Variants in DRC11 observed in about 807,000 individuals in gnomAD.
DRC11 encodes dynein regulatory complex subunit 11, also known as IQ and AAA domain-containing protein 1.
chr2:236,345,027 A>C, the DRC11 span, among the ~76,000 whole-genome samples: 26 of 113,992 alleles, frequency 2.3e-4, no homozygotes, highest in Admixed American at 3.4e-4. Flanking sequence ...CTGGTTGTAA[A>C]TGTGCTTCCC....
chr2:236,463,874 C>T, the DRC11 span, among the ~76,000 whole-genome samples: 1 of 152,224 alleles, frequency 6.6e-6, no homozygotes, highest in Non-Finnish European at 1.5e-5. The surrounding 1 kb of genome is among the most constrained non-coding windows in gnomAD (Gnocchi z 5.0). Flanking sequence ...ACTGTGGTCT[C>T]ATCTGATGGC....
the DRC11 span, among the ~76,000 whole-genome samples, chr2:236,493,590 A>G: frequency 6.6e-6 from 1 of 152,210 alleles, no homozygotes. Flanking sequence ...AATAATGATT[A>G]TATATCACCA....
the DRC11 span, among the ~76,000 whole-genome samples, chr2:236,440,453 C>T: frequency 6.6e-6 from 1 of 152,068 alleles, no homozygotes; most frequent in Non-Finnish European, 1.5e-5. Context: ...TACTGTGAAG[C>T]TAAGAAGAGT....
At chr2:236,441,261 A>G in the DRC11 span, 1 of 645,574 alleles carries the variant, frequency 1.5e-6, no homozygotes, top group Non-Finnish European at 2.8e-6. Context: ...AGGGCTGGGC[A>G]TGGTGTCTTG....
At chr2:236,402,114 A>G in the DRC11 span, among the ~76,000 whole-genome samples, 1 of 152,152 alleles carries the variant, frequency 6.6e-6, no homozygotes, top group Non-Finnish European at 1.5e-5. This position sits in a 1 kb window ranked among gnomAD's most constrained non-coding sequence, Gnocchi z 6.0. Flanking sequence ...AATCCTCCCC[A>G]GCTCAGGGCT....
the DRC11 span, among the ~76,000 whole-genome samples, chr2:236,362,911 C>T: frequency 1.3e-5 from 2 of 152,134 alleles, no homozygotes; most frequent in Non-Finnish European, 2.9e-5. The surrounding 1 kb of genome is among the most constrained non-coding windows in gnomAD (Gnocchi z 5.7). Context: ...CTGTCGCTCC[C>T]TAGTTTTTTG....
At chr2:236,495,807 C>T in the DRC11 span, among the ~76,000 whole-genome samples, 1 of 152,172 alleles carries the variant, frequency 6.6e-6, no homozygotes, top group African/African-American at 2.4e-5. This position sits in a 1 kb window ranked among gnomAD's most constrained non-coding sequence, Gnocchi z 5.6. Flanking sequence ...ACACTGTTGA[C>T]CGCCCTCTGC....
At chr2:236,371,382 G>A in the DRC11 span, among the ~76,000 whole-genome samples, 5 of 152,148 alleles carry the variant, frequency 3.3e-5, no homozygotes, top group South Asian at 2.1e-4. This position sits in a 1 kb window ranked among gnomAD's most constrained non-coding sequence, Gnocchi z 5.1. Context: ...TCCTCATCTC[G>A]TTAATGCTCT....
the DRC11 span, among the ~76,000 whole-genome samples, chr2:236,357,046 T>TC: frequency 5.7e-4 from 54 of 95,226 alleles, 1 homozygote; most frequent in Non-Finnish European, 7.6e-4. Flanking sequence ...TATTCATATA[T>TC]TATATATCTA....
At chr2:236,490,889 CAAG>C in the DRC11 span, among the ~76,000 whole-genome samples, 10 of 147,532 alleles carry the variant, frequency 6.8e-5, no homozygotes, top group East Asian at 4.0e-4. This position sits in a 1 kb window ranked among gnomAD's most constrained non-coding sequence, Gnocchi z 5.5. Flanking sequence ...GTACGTATCC[CAAG>C]AAGAATATAT....
At chr2:236,459,165 A>G in the DRC11 span, among the ~76,000 whole-genome samples, 2 of 152,202 alleles carry the variant, frequency 1.3e-5, no homozygotes, top group East Asian at 3.8e-4. Flanking sequence ...AAAGAAAAAA[A>G]CACCCAAAAG....
the DRC11 span, among the ~76,000 whole-genome samples, chr2:236,495,937 C>T: frequency 6.6e-6 from 1 of 152,162 alleles, no homozygotes; most frequent in African/African-American, 2.4e-5. This position sits in a 1 kb window ranked among gnomAD's most constrained non-coding sequence, Gnocchi z 5.6. Flanking sequence ...GCAGAGGGGC[C>T]TGGCTGATGC....
At chr2:236,401,886 C>T in the DRC11 span, among the ~76,000 whole-genome samples, 6 of 152,190 alleles carry the variant, frequency 3.9e-5, no homozygotes, top group African/African-American at 1.4e-4. The surrounding 1 kb of genome is among the most constrained non-coding windows in gnomAD (Gnocchi z 4.6). Flanking sequence ...CTGAGAATCC[C>T]TGACCAGCAG....
At chr2:236,308,754 T>C in the DRC11 span, among the ~76,000 whole-genome samples, 2 of 152,206 alleles carry the variant, frequency 1.3e-5, no homozygotes, top group Non-Finnish European at 2.9e-5. This position sits in a 1 kb window ranked among gnomAD's most constrained non-coding sequence, Gnocchi z 6.0. Context: ...CATCCCTCCA[T>C]AGATGGACGC....
At chr2:236,324,507 T>A in the DRC11 span, 1 of 526,644 alleles carries the variant, frequency 1.9e-6, no homozygotes, top group South Asian at 2.2e-5. This position sits in a 1 kb window ranked among gnomAD's most constrained non-coding sequence, Gnocchi z 5.7. Context: ...ATGCAGTGGT[T>A]AGCGGGTTTG....
the DRC11 span, among the ~76,000 whole-genome samples, chr2:236,357,387 A>C: frequency 1.4e-4 from 15 of 107,338 alleles, no homozygotes; most frequent in East Asian, 1.2e-3. Flanking sequence ...TATAGTATAG[A>C]TATTATATAG....
At chr2:236,389,243 G>A in the DRC11 span, among the ~76,000 whole-genome samples, 257 of 152,264 alleles carry the variant, frequency 1.7e-3, no homozygotes, top group African/African-American at 6.1e-3. Context: ...GGGCAATGGC[G>A]GGCGCCCCTC....
chr2:236,347,718 G>A, the DRC11 span, among the ~76,000 whole-genome samples: 2 of 151,732 alleles, frequency 1.3e-5, no homozygotes, highest in African/African-American at 2.4e-5. Flanking sequence ...AGAGTGGGAG[G>A]GGGGTGAGGG....
the DRC11 span, among the ~76,000 whole-genome samples, chr2:236,435,544 G>A: frequency 6.6e-6 from 1 of 152,276 alleles, no homozygotes; most frequent in African/African-American, 2.4e-5. Context: ...GGGAGGCATC[G>A]GGAAACTTAC....
Sources: gnomAD v4.1 joint callset for allele counts (sites outside exome capture counted in the v4.1 genomes callset) on GRCh38, gnomAD v4.1.1 for gene constraint, Gnocchi (gnomAD v3.1) non-coding constraint, MANE v1.5 for transcripts, NCBI Gene and HGNC (gene_info 2026-07-23, HGNC 2026-07-21) for gene names.